CLUL1: variants seen among roughly 807,000 people sequenced by gnomAD.
CLUL1 encodes clusterin-like protein 1.
A neutral mutation model predicts 49.4 loss-of-function variants in CLUL1; 43 were observed. The ratio of observed to expected loss-of-function variants is 0.87; its 90% CI spans 0.68 to 1.12. The LOEUF (loss-of-function observed/expected upper bound fraction) is 1.12, where lower values mean the gene tolerates loss of function less well. Ranked by LOEUF, CLUL1 falls within the 50% of genes most tolerant of loss-of-function variation. The pLI is 0.00. For synonymous variants in CLUL1, 192 were observed against 184.9 expected (o/e 1.04, Z -0.31); for missense variants, 486 against 544.4 (o/e 0.89, Z 1.07).
intron 2 of CLUL1, chr18:613,218 A>C (rs776072615): frequency 1.1e-4 from 52 of 470,798 alleles, no homozygotes; most frequent in Non-Finnish European, 1.8e-4. Flanking sequence ...AGCTCACTGC[A>C]ACCTCTACCT....
intron 1 of CLUL1, among the ~76,000 whole-genome samples, chr18:601,139 G>A (rs760726833): frequency 1.3e-5 from 2 of 152,150 alleles, no homozygotes; most frequent in Non-Finnish European, 2.9e-5. Flanking sequence ...ACTTTCTGGA[G>A]GTGATATTGT....
At position 627,360 on chromosome 18, in the gene CLUL1, T is replaced by C; in HGVS notation, c.687T>C (p.Phe229=). 1 of 1,614,166 alleles carries C rather than the reference T, an allele frequency of 6.2e-7. No individual in the cohort carries two copies. Among genetic ancestry groups the C allele is most frequent in the Non-Finnish European group, 8.5e-7 (1 of 1,180,030 alleles). ...SDTDLTEPYF[F]PAFSKEPMTK... is the part of the protein sequence containing the mutation. ...CAGACCTAACTGAGCCTTACTTTTTTCCAGCTTTCTCTAAAGAGCCGATGA... is the reference window on the plus strand; with the variant it reads ...CAGACCTAACTGAGCCTTACTTTTTCCCAGCTTTCTCTAAAGAGCCGATGA... The change falls in exon 6 of 10, where the codon TTT becomes TTC. Residue 229 remains phenylalanine, a synonymous_variant. Transcript: ENST00000692774.
At chr18:610,227 A>G (rs1001508060) in intron 2 of CLUL1, among the ~76,000 whole-genome samples, 2 of 151,848 alleles carry the variant, frequency 1.3e-5, no homozygotes, top group Admixed American at 1.3e-4. Context: ...TTGCTTGTTT[A>G]GTCTACCGAT....
At chr18:604,836 A>G (rs2072926470) in intron 1 of CLUL1, among the ~76,000 whole-genome samples, 3 of 152,196 alleles carry the variant, frequency 2.0e-5, no homozygotes, top group Admixed American at 2.0e-4. Flanking sequence ...TTCGTAGTTG[A>G]ATACAAGGGC....
chr18:624,616 C>T (rs2144039758), intron 4 of CLUL1, among the ~76,000 whole-genome samples: 1 of 152,248 alleles, frequency 6.6e-6, no homozygotes, highest in South Asian at 2.1e-4. Flanking sequence ...ATAGCAAACA[C>T]TCAGTAAATA....
chr18:648,428 A>G (rs1326426171), intron 9 of CLUL1, among the ~76,000 whole-genome samples: 1 of 152,190 alleles, frequency 6.6e-6, no homozygotes, highest in Non-Finnish European at 1.5e-5. Flanking sequence ...CACAACTACC[A>G]AACATTTAGA....
In CLUL1 at chr18:607,610, T is replaced by G. The variant is rs977083799; in HGVS notation, c.-14+511T>G. Among the ~76,000 whole-genome samples, 49 of 152,146 alleles carry G rather than the reference T, an allele frequency of 3.2e-4. 1 individual carries two copies. The highest frequency in any genetic ancestry group is 1.1e-3 in the African/African-American group (44 of 41,424). ...TAGCTAATTTTTTAAAATTTTTTTG[T>G]AGAGACGGGGTCTCACCCTGGTGTC... On this transcript the variant is annotated intron_variant, in intron 2 of 9. Transcript: ENST00000692774.
At chr18:642,698 G>A (rs1462052602) in intron 8 of CLUL1, among the ~76,000 whole-genome samples, 1 of 152,178 alleles carries the variant, frequency 6.6e-6, no homozygotes, top group Non-Finnish European at 1.5e-5. Flanking sequence ...TGTGTAGTAT[G>A]TTAGGTTATG....
intron 9 of CLUL1, among the ~76,000 whole-genome samples, chr18:649,199 C>T (rs1396398519): frequency 6.6e-6 from 1 of 152,050 alleles, no homozygotes; most frequent in Non-Finnish European, 1.5e-5. Flanking sequence ...AGGGAAAAAC[C>T]AGGAAAAGAT....
At chr18:621,174 C>G (rs978493740) in intron 4 of CLUL1, among the ~76,000 whole-genome samples, 3 of 152,134 alleles carry the variant, frequency 2.0e-5, no homozygotes, top group South Asian at 2.1e-4. Context: ...CCATTCCCCC[C>G]ACCCCAGTCA....
chr18:612,593 G>A (rs1301960069), intron 2 of CLUL1, among the ~76,000 whole-genome samples: 1 of 152,118 alleles, frequency 6.6e-6, no homozygotes, highest in African/African-American at 2.4e-5. Context: ...CTACTTTCAG[G>A]GATTGTATCA....
chr18:641,448 C>G lies in CLUL1; in HGVS notation c.1116C>G (p.Ala372=). The part of the protein sequence containing the change: ...QMTRKHLEDT[A]YLVEKMRGQF... ...CCCGGAAGCACTTGGAGGACACCGC[C>G]TATCTGGTGGAGAAGATGAGAGGGC... The change falls in exon 8 of 10, where the codon GCC becomes GCG. Residue 372 remains alanine, a synonymous_variant. Coordinates refer to ENST00000692774, the MANE Select transcript of CLUL1 (RefSeq NM_001393344.1). 1 of 1,614,212 alleles carries G rather than the reference C, an allele frequency of 6.2e-7. No individual in the cohort carries two copies. Among genetic ancestry groups the G allele is most frequent in the South Asian group, 1.1e-5 (1 of 91,078 alleles).
chr18:645,183 C>G (rs2074439414), intron 9 of CLUL1, 86 bp downstream of exon 9: 5 of 1,016,814 alleles, frequency 4.9e-6, no homozygotes, highest in South Asian at 2.0e-5. Flanking sequence ...TTCCAAATAC[C>G]TGGAAAACAT....
At chr18:613,464 T>TC (rs1440674209) in intron 2 of CLUL1, among the ~76,000 whole-genome samples, 9 of 150,084 alleles carry the variant, frequency 6.0e-5, no homozygotes, top group Non-Finnish European at 8.9e-5. Context: ...CTGAATTTTT[T>TC]TTTTTTTTGA....
At position 606,944 on chromosome 18, in the gene CLUL1, A is replaced by C. The variant is rs1242448384; in HGVS notation, c.-135-34A>C. 2 of 598,042 alleles carry C rather than the reference A, an allele frequency of 3.3e-6. No homozygotes were observed. Among genetic ancestry groups the C allele is most frequent in the Admixed American group, 2.9e-5 (1 of 34,526 alleles). The allele number at this position is 598,042 out of a possible 1,614,324, so 37.0% of individuals were successfully genotyped here. A position where few individuals can be genotyped will look rare whatever the true frequency, so the allele number is the denominator to read the frequency against. The stretch of plus-strand genomic sequence containing the variant: ...TGTAATAATTTTAGGCGGCTCCCTA[A>C]AATTTCTTTTCTTTTTTCTTTTCTT... On this transcript the variant is annotated intron_variant, in intron 1 of 9. Coordinates refer to ENST00000692774, the MANE Select transcript of CLUL1 (RefSeq NM_001393344.1). This position sits in a 1 kb window ranked among gnomAD's most constrained non-coding sequence, Gnocchi z 4.1.
At chr18:639,430 CAAAAAAAAAAA>C (rs11357641) in intron 7 of CLUL1, among the ~76,000 whole-genome samples, 2 of 71,948 alleles carry the variant, frequency 2.8e-5, no homozygotes, top group African/African-American at 1.3e-4. Context: ...GACTCCATCT[CAAAAAAAAAAA>C]AAAAAAAAAA....
intron 2 of CLUL1, among the ~76,000 whole-genome samples, chr18:609,272 A>G (rs1196178057): frequency 6.6e-6 from 1 of 152,174 alleles, no homozygotes; most frequent in East Asian, 1.9e-4. Flanking sequence ...GTTGTCTTTC[A>G]TTCCTGATTC....
chr18:607,216 C>T lies in CLUL1; in HGVS notation c.-14+117C>T. Reference sequence around the variant, plus strand: ...GATCTCAGCTCACTGCAACTTCTGCCTCCCAGATTTAAGGGTTTCTCTTGC... The same window carrying T: ...GATCTCAGCTCACTGCAACTTCTGCTTCCCAGATTTAAGGGTTTCTCTTGC... On this transcript the variant is annotated intron_variant, in intron 2 of 9. Coordinates refer to ENST00000692774, the MANE Select transcript of CLUL1 (RefSeq NM_001393344.1). 4 of 638,534 alleles carry T rather than the reference C, an allele frequency of 6.3e-6. No individual in the cohort carries two copies. The South Asian group carries it at 7.0e-5, about 11-fold the overall frequency. 39.6% of individuals were successfully genotyped at this position (638,534 alleles called of 1,614,324 possible). A position where few individuals can be genotyped will look rare whatever the true frequency, so the allele number is the denominator to read the frequency against.
chr18:617,649 T>G (rs2073337897), intron 2 of CLUL1, among the ~76,000 whole-genome samples: 1 of 150,112 alleles, frequency 6.7e-6, no homozygotes, highest in Admixed American at 6.6e-5. Flanking sequence ...CTCTAACAGA[T>G]TCGAATTAAT....
Sources: gnomAD v4.1 joint callset for allele counts (sites outside exome capture counted in the v4.1 genomes callset) on GRCh38, gnomAD v4.1.1 for gene constraint, Gnocchi (gnomAD v3.1) non-coding constraint, MANE v1.5 for transcripts, NCBI Gene and HGNC (gene_info 2026-07-23, HGNC 2026-07-21) for gene names.